Variants in SLIT1 observed in about 807,000 individuals in gnomAD.
SLIT1 encodes slit homolog 1 protein.
SLIT1 carries 66 observed loss-of-function variants against 186.1 expected under a neutral mutation model. The observed-to-expected ratio is 0.35, with a 90% CI of 0.29 to 0.44. The LOEUF is 0.44. SLIT1 is among the 20% of genes least tolerant of loss of function. The probability of loss-of-function intolerance (pLI) is 1.00; values close to 1 mark genes in which losing one functional copy is unlikely to be tolerated. For missense variants in SLIT1, 1,638 were observed against 2,037.4 expected, an observed-to-expected ratio of 0.80 and a Z score of 3.77; for synonymous variants, 761 against 833.8, an observed-to-expected ratio of 0.91 and a Z score of 1.50.
chr10:97,153,018 T>G (rs1849898156), intron 4 of SLIT1: 1 of 152,254 alleles, frequency 6.6e-6, no homozygotes, highest in African/African-American at 2.4e-5. Flanking sequence ...TATTTCAATA[T>G]TCTAAATAAT....
chr10:97,034,588 C>T, intron 22 of SLIT1, 46 bp from the exon 23 acceptor site: 1 of 1,531,368 alleles, frequency 6.5e-7, no homozygotes, highest in Non-Finnish European at 9.0e-7. Context: ...CTCACTCAGC[C>T]CTGGCTCACA....
At chr10:97,095,783 T>C (rs1456150661) in intron 4 of SLIT1, among the ~76,000 whole-genome samples, 2 of 152,166 alleles carry the variant, frequency 1.3e-5, no homozygotes, top group Non-Finnish European at 2.9e-5. Context: ...TGTGTGACCT[T>C]GGGTGCGACC....
In SLIT1 at chr10:97,185,570, G is replaced by C; in HGVS notation, c.105C>G (p.Pro35=). Residue 35 remains proline (P), a synonymous_variant, in exon 1 of 37, where the codon CCC becomes CCG. Transcript: ENST00000266058. The part of the protein sequence containing the change: ...AAWRLGASAC[P]ALCTCTGTTV... ...TGGTTCCGGTGCAGGTGCAGAGGGC[G>C]GGGCACGCCGAGGCACCCAGGCGCC... 6.2e-7 allele frequency: 1 copy of C among 1,608,220 alleles called. No individual in the cohort carries two copies. The highest frequency in any genetic ancestry group is 1.3e-5 in the African/African-American group (1 of 74,908).
intron 4 of SLIT1, among the ~76,000 whole-genome samples, chr10:97,108,717 G>A (rs1849436812): frequency 6.6e-6 from 1 of 152,048 alleles, no homozygotes; most frequent in Non-Finnish European, 1.5e-5. Context: ...ATGAAACCCT[G>A]TCTTTACTAA....
intron 31 of SLIT1, among the ~76,000 whole-genome samples, chr10:97,007,586 T>C (rs887956122): frequency 1.3e-5 from 2 of 152,110 alleles, no homozygotes; most frequent in African/African-American, 2.4e-5. Context: ...AAAAGGATTA[T>C]ATACAATGAC....
In SLIT1 at chr10:97,026,289, C is replaced by T. The variant is rs540207899; in HGVS notation, c.2582+4468G>A. On this transcript the variant is annotated intron_variant, in intron 25 of 36. Transcript: ENST00000266058. Reference sequence around the variant, plus strand: ...GACCAGCCTGGCCAACATGGCGAAACCCCATCTCTACTAAAAATACAAAAC... The same window carrying T: ...GACCAGCCTGGCCAACATGGCGAAATCCCATCTCTACTAAAAATACAAAAC... Among the ~76,000 whole-genome samples, 5 of 152,112 alleles carry T rather than the reference C, an allele frequency of 3.3e-5. No individual in the cohort carries two copies. In the South Asian group the frequency reaches 1.0e-3, roughly 32 times the overall value.
chr10:97,002,683 C>T, intron 35 of SLIT1, 21 bp downstream of exon 35: 1 of 1,538,534 alleles, frequency 6.5e-7, no homozygotes, highest in South Asian at 1.2e-5. Context: ...GGCAAGGGCT[C>T]CCCCAGTGCC....
At chr10:97,013,253 G>A (rs930717206) in intron 30 of SLIT1, among the ~76,000 whole-genome samples, 11 of 152,180 alleles carry the variant, frequency 7.2e-5, no homozygotes, top group Non-Finnish European at 1.6e-4. Context: ...ACACCAGTGC[G>A]GGGCAGCTTT....
chr10:97,185,400 C>CA (rs1850398017), intron 1 of SLIT1, 78 bp downstream of exon 1: 1 of 1,428,376 alleles, frequency 7.0e-7, no homozygotes, highest in Non-Finnish European at 9.6e-7. Context: ...GTCCTGCCCC[C>CA]ACCCCCAAGT....
At chr10:97,164,008 C>A (rs147578478) in intron 2 of SLIT1, among the ~76,000 whole-genome samples, 1 of 152,234 alleles carries the variant, frequency 6.6e-6, no homozygotes, top group South Asian at 2.1e-4. Context: ...GTACCCCCAC[C>A]CTGCCTGGCC....
chr10:97,091,863 A>G (rs2134663710), intron 4 of SLIT1, among the ~76,000 whole-genome samples: 1 of 152,340 alleles, frequency 6.6e-6, no homozygotes, highest in Admixed American at 6.5e-5. Flanking sequence ...GAGCCTTAGA[A>G]ATGATCTAAA....
chr10:97,183,359 C>T (rs1237274836), intron 1 of SLIT1, among the ~76,000 whole-genome samples: 1 of 152,212 alleles, frequency 6.6e-6, no homozygotes, highest in African/African-American at 2.4e-5. Context: ...TGAGATTCCC[C>T]TCCCTATCCT....
At chr10:97,049,814 AGATTC>A (rs1232241290) in intron 13 of SLIT1, among the ~76,000 whole-genome samples, 1 of 152,236 alleles carries the variant, frequency 6.6e-6, no homozygotes, top group Non-Finnish European at 1.5e-5. Context: ...GGATTCACTC[AGATTC>A]TCTCCCAGGC....
chr10:97,111,505 G>A (rs1289412438), intron 4 of SLIT1, among the ~76,000 whole-genome samples: 3 of 152,158 alleles, frequency 2.0e-5, no homozygotes, highest in African/African-American at 4.8e-5. Context: ...CTCCCGCCGC[G>A]GAGAAACCAA....
intron 1 of SLIT1, 112 bp from the exon 2 acceptor site, chr10:97,165,002 G>T (rs565258578): frequency 1.3e-6 from 1 of 772,006 alleles, no homozygotes. Context: ...TCTCATCAGC[G>T]GGGCTGGGGG....
chr10:97,077,446 G>GTCA (rs1301052200), intron 4 of SLIT1, among the ~76,000 whole-genome samples: 1 of 152,190 alleles, frequency 6.6e-6, no homozygotes, highest in Non-Finnish European at 1.5e-5. Context: ...AGATGGCAGG[G>GTCA]TCATCAGATC....
chr10:97,034,655 GC>G, intron 22 of SLIT1, 113 bp from the exon 23 acceptor site: 2 of 928,210 alleles, frequency 2.2e-6, no homozygotes, highest in Non-Finnish European at 3.5e-6. Context: ...AGCCAGGTTG[GC>G]CAGGGGTGGA....
chr10:97,185,457 A>AG (rs1268048459), intron 1 of SLIT1, 21 bp downstream of exon 1: 2 of 1,606,310 alleles, frequency 1.2e-6, no homozygotes, highest in African/African-American at 2.7e-5. Context: ...CCAGGGAGCC[A>AG]GGGGCGGGGA....
chr10:97,039,168 G>C lies in SLIT1; in HGVS notation c.2297+820C>G, dbSNP rs542609084. 2.9e-4 allele frequency among the ~76,000 whole-genome samples: 44 copies of C among 152,266 alleles called. No homozygotes were observed. In the South Asian group the frequency reaches 8.5e-3, roughly 29 times the overall value. On this transcript the variant is annotated intron_variant, in intron 21 of 36. Coordinates refer to ENST00000266058, the MANE Select transcript of SLIT1 (RefSeq NM_003061.3). ...AGCCTCATCGCTGGTCCTGGGGGTG[G>C]GGGGAGAAAAGCTCAGCTTTGGAGG...
Sources: gnomAD v4.1 joint callset for allele counts (sites outside exome capture counted in the v4.1 genomes callset) on GRCh38, gnomAD v4.1.1 for gene constraint, MANE v1.5 for transcripts, NCBI Gene and HGNC (gene_info 2026-07-23, HGNC 2026-07-21) for gene names.